The following IL1R1 variants were observed in gnomAD, a reference collection of about 807,000 sequenced individuals.
IL1R1 encodes interleukin 1 receptor type 1, also known as interleukin-1 receptor type 1.
Under a neutral mutation model 50.2 loss-of-function variants are expected in IL1R1, and 22 were observed. The observed-to-expected ratio is 0.44, with a 90% CI of 0.31 to 0.63. The LOEUF (loss-of-function observed/expected upper bound fraction) is 0.63, where lower values mean the gene tolerates loss of function less well. Among genes scored for constraint, IL1R1 ranks in the 20% least tolerant of loss-of-function variants. The pLI, the probability that IL1R1 is intolerant of heterozygous loss-of-function variation, is 0.07. For missense variants in IL1R1, 509 were observed against 676.2 expected, an observed-to-expected ratio of 0.75 and a Z score of 2.74; for synonymous variants, 251 against 236.7, an observed-to-expected ratio of 1.06 and a Z score of -0.55.
intron 2 of IL1R1, 81 bp downstream of exon 2, chr2:102,154,098 G>T (rs1683946153): frequency 6.6e-6 from 1 of 152,440 alleles, no homozygotes; most frequent in Non-Finnish European, 1.5e-5. Flanking sequence ...TCAGATCCAG[G>T]GGCCCTGGAC....
chr2:102,072,968 G>A (rs1479888333), intron 1 of IL1R1, among the ~76,000 whole-genome samples: 1 of 152,168 alleles, frequency 6.6e-6, no homozygotes, highest in African/African-American at 2.4e-5. Context: ...AACAGCTCCT[G>A]GGGCTGTGGG....
intron 1 of IL1R1, among the ~76,000 whole-genome samples, chr2:102,099,000 T>C (rs1268243924): frequency 1.3e-5 from 2 of 152,190 alleles, no homozygotes; most frequent in African/African-American, 2.4e-5. Context: ...TGACATATAA[T>C]GAATACCAGT....
intron 8 of IL1R1, chr2:102,172,268 C>A (rs991202914): frequency 3.0e-6 from 3 of 985,038 alleles, no homozygotes; most frequent in Non-Finnish European, 3.6e-6. Flanking sequence ...CAATCCACTG[C>A]TCTCGAAAGC....
chr2:102,112,311 CGT>C (rs146015817), intron 1 of IL1R1, among the ~76,000 whole-genome samples: 7,339 of 147,922 alleles, frequency 0.05, 507 homozygotes, highest in African/African-American at 0.16. Flanking sequence ...TGGGGATTAA[CGT>C]GTGTGTGTGT....
intron 1 of IL1R1, among the ~76,000 whole-genome samples, chr2:102,130,507 C>A (rs535903475): frequency 6.6e-6 from 1 of 152,218 alleles, no homozygotes; most frequent in African/African-American, 2.4e-5. Context: ...GTGGCACAAG[C>A]TTGGGAGGTT....
intron 1 of IL1R1, among the ~76,000 whole-genome samples, chr2:102,146,680 A>G (rs552167517): frequency 6.6e-6 from 1 of 152,366 alleles, no homozygotes; most frequent in East Asian, 1.9e-4. Flanking sequence ...TGTGCCAACA[A>G]TATATGTATT....
chr2:102,084,371 C>T (rs1679348392), intron 1 of IL1R1, among the ~76,000 whole-genome samples: 1 of 152,134 alleles, frequency 6.6e-6, no homozygotes, highest in Admixed American at 6.5e-5. Context: ...AAAATAAATA[C>T]ACACAGCGTA....
intron 1 of IL1R1, among the ~76,000 whole-genome samples, chr2:102,119,080 A>G (rs1407774552): frequency 6.7e-6 from 1 of 150,092 alleles, no homozygotes; most frequent in Non-Finnish European, 1.5e-5. Context: ...TCTCACGTTT[A>G]TTTTAGATTA....
At chr2:102,095,460 A>G (rs917581907) in intron 1 of IL1R1, among the ~76,000 whole-genome samples, 1 of 152,220 alleles carries the variant, frequency 6.6e-6, no homozygotes, top group Non-Finnish European at 1.5e-5. Context: ...ATTAAAGAAT[A>G]CTGGAAAATT....
chr2:102,175,919 G>A (rs752602544), intron 11 of IL1R1: 14 of 549,898 alleles, frequency 2.5e-5, no homozygotes, highest in Non-Finnish European at 4.5e-5. Flanking sequence ...CAATTAAACA[G>A]GAGTGGTAGA....
intron 1 of IL1R1, among the ~76,000 whole-genome samples, chr2:102,076,381 G>A (rs1312072402): frequency 6.6e-6 from 1 of 152,040 alleles, no homozygotes; most frequent in African/African-American, 2.4e-5. Context: ...GTTTCACCGT[G>A]TTAGCCAGGA....
At chr2:102,098,218 C>A (rs1226182155) in intron 1 of IL1R1, among the ~76,000 whole-genome samples, 3 of 152,078 alleles carry the variant, frequency 2.0e-5, no homozygotes, top group Admixed American at 2.0e-4. Context: ...ATTCTTGATA[C>A]TCTCTTGGGA....
chr2:102,089,225 A>G (rs896131187), intron 1 of IL1R1, among the ~76,000 whole-genome samples: 1 of 152,168 alleles, frequency 6.6e-6, no homozygotes, highest in Non-Finnish European at 1.5e-5. Flanking sequence ...TATTAAAGTG[A>G]GAGAATTGTG....
At chr2:102,078,562 T>C (rs1577791701) in intron 1 of IL1R1, among the ~76,000 whole-genome samples, 1 of 104,114 alleles carries the variant, frequency 9.6e-6, no homozygotes, top group African/African-American at 3.4e-5. Flanking sequence ...TCAAAAAACT[T>C]CACACACACA....
chr2:102,130,882 T>C (rs574186752), intron 1 of IL1R1, among the ~76,000 whole-genome samples: 1 of 151,682 alleles, frequency 6.6e-6, no homozygotes, highest in Non-Finnish European at 1.5e-5. Context: ...AAAACCAGGG[T>C]TTTTAAGAAT....
At chr2:102,112,208 A>C (rs903973554) in intron 1 of IL1R1, among the ~76,000 whole-genome samples, 2 of 152,030 alleles carry the variant, frequency 1.3e-5, no homozygotes, top group Non-Finnish European at 2.9e-5. Context: ...GTGAAGAAAC[A>C]CAGGAGACCG....
chr2:102,152,962 C>T (rs1683827217), intron 1 of IL1R1, among the ~76,000 whole-genome samples: 1 of 149,530 alleles, frequency 6.7e-6, no homozygotes, highest in Admixed American at 6.8e-5. Context: ...ACAAGCTTTT[C>T]AAAGGCCCAA....
chr2:102,088,323 G>A (rs971497402), intron 1 of IL1R1, among the ~76,000 whole-genome samples: 1 of 152,110 alleles, frequency 6.6e-6, no homozygotes, highest in Non-Finnish European at 1.5e-5. Flanking sequence ...AATTGTGTTA[G>A]CAGGCATGAA....
At chr2:102,126,385 C>A (rs1487428456) in intron 1 of IL1R1, among the ~76,000 whole-genome samples, 1 of 152,188 alleles carries the variant, frequency 6.6e-6, no homozygotes, top group Non-Finnish European at 1.5e-5. Context: ...ATGTGGTTTT[C>A]TTCCTCCCAT....
Sources: allele counts gnomAD v4.1 joint callset (sites outside exome capture counted in the v4.1 genomes callset), GRCh38; gene constraint gnomAD v4.1.1; transcripts MANE v1.5; gene names NCBI Gene and HGNC (gene_info 2026-07-23, HGNC 2026-07-21).